CARM1: variants seen among roughly 807,000 people sequenced by gnomAD.
CARM1 encodes coactivator associated arginine methyltransferase 1.
CARM1 carries 14 observed loss-of-function variants against 72.7 expected under a neutral mutation model. That is an observed-to-expected ratio of 0.19 (90% confidence interval 0.13 to 0.30). The LOEUF is 0.30. CARM1 is among the 10% of genes least tolerant of loss of function. The pLI, the probability that CARM1 is intolerant of heterozygous loss-of-function variation, is 1.00. For synonymous variants in CARM1, 333 were observed against 345.5 expected (o/e 0.96, Z 0.40); for missense variants, 432 against 833.7 (o/e 0.52, Z 5.93).
intron 1 of CARM1, among the ~76,000 whole-genome samples, chr19:10,899,577 C>T (rs1268923969): frequency 6.6e-6 from 1 of 151,980 alleles, no homozygotes; most frequent in Non-Finnish European, 1.5e-5. Context: ...ATGCCCTGCC[C>T]TCAGGAGGGC....
At chr19:10,890,699 A>G (rs1289296922) in intron 1 of CARM1, among the ~76,000 whole-genome samples, 1 of 149,506 alleles carries the variant, frequency 6.7e-6, no homozygotes, top group Non-Finnish European at 1.5e-5. Flanking sequence ...ACACATATAT[A>G]CACACACATA....
At position 10,890,618 on chromosome 19, in the gene CARM1, CTTTGT is replaced by C. The variant is rs537075274; in HGVS notation, c.221-14329_221-14325del. Reference sequence around the variant, plus strand: ...TGGTACATACCTGTGGTCCCAGCTACTTTGTTTTATTTACATATATATATGTATAT... The same window carrying C: ...TGGTACATACCTGTGGTCCCAGCTACTTTATTTACATATATATATGTATAT... On this transcript the variant is annotated intron_variant, in intron 1 of 15. Transcript: ENST00000327064. 1.2e-3 allele frequency among the ~76,000 whole-genome samples: 184 copies of C among 150,142 alleles called. 2 individuals carry two copies. The highest frequency in any genetic ancestry group is 4.0e-3 in the African/African-American group (165 of 40,932).
At chr19:10,878,457 C>CCAA (rs2073879112) in intron 1 of CARM1, among the ~76,000 whole-genome samples, 4 of 152,102 alleles carry the variant, frequency 2.6e-5, no homozygotes, top group Non-Finnish European at 5.9e-5. Context: ...AATTGTGGCG[C>CCAA]TTACTGTATG....
At chr19:10,876,969 A>G (rs528496327) in intron 1 of CARM1, among the ~76,000 whole-genome samples, 1 of 152,350 alleles carries the variant, frequency 6.6e-6, no homozygotes, top group South Asian at 2.1e-4. Flanking sequence ...ACACAGCAGC[A>G]TGGGCTCCGT....
At chr19:10,908,216 C>G in intron 3 of CARM1, 71 bp downstream of exon 3, 1 of 996,954 alleles carries the variant, frequency 1.0e-6, no homozygotes, top group Non-Finnish European at 1.6e-6. Flanking sequence ...CGCAGGAGGC[C>G]ACACAGCACA....
In CARM1 at chr19:10,920,849, G is replaced by A. The variant is rs149437753; in HGVS notation, c.1440G>A (p.Thr480=). ...KNPFFRYTGT[T]PSPPPGSHYT... ...TCTGCCATAGATACACGGGCACAACGCCCTCACCCCCACCCGGCTCCCACT... is the reference window on the plus strand; with the variant it reads ...TCTGCCATAGATACACGGGCACAACACCCTCACCCCCACCCGGCTCCCACT... Residue 480 remains threonine, a synonymous_variant, in exon 13 of 16, where the codon ACG becomes ACA. Coordinates refer to ENST00000327064, the MANE Select transcript of CARM1 (RefSeq NM_199141.2). The surrounding 1 kb of genome is among the most constrained non-coding windows in gnomAD (Gnocchi z 5.3). The A allele has an allele frequency of 5.6e-6, 9 of 1,614,040 alleles. No homozygotes were observed. In the East Asian group the frequency reaches 8.9e-5, roughly 16 times the overall value.
At chr19:10,909,319 T>G in intron 4 of CARM1, 112 bp downstream of exon 4, 1 of 651,736 alleles carries the variant, frequency 1.5e-6, no homozygotes, top group Non-Finnish European at 2.7e-6. Flanking sequence ...TTATCTCAGT[T>G]ACTGCAGAGG....
At chr19:10,898,110 AAAAG>A (rs1335003348) in intron 1 of CARM1, among the ~76,000 whole-genome samples, 2 of 150,702 alleles carry the variant, frequency 1.3e-5, no homozygotes, top group Non-Finnish European at 3.0e-5. Flanking sequence ...CGTCTCAAAA[AAAAG>A]AAAAAAAAAA....
At chr19:10,913,851 G>A in intron 5 of CARM1, 26 bp from the exon 6 acceptor site, 1 of 1,602,148 alleles carries the variant, frequency 6.2e-7, no homozygotes, top group Non-Finnish European at 8.5e-7. Flanking sequence ...ACGCAGGGAA[G>A]CCCACATGGC....
In CARM1 at chr19:10,914,080, A is replaced by G. The variant is rs201277232; in HGVS notation, c.847+26A>G. The G allele has an allele frequency of 5.9e-4, 941 of 1,591,498 alleles. 9 individuals are homozygous for G. The highest frequency in any genetic ancestry group is 5.9e-3 in the Middle Eastern group (35 of 5,956). On this transcript the variant is annotated intron_variant, in intron 6 of 15. Coordinates refer to ENST00000327064, the MANE Select transcript of CARM1 (RefSeq NM_199141.2). ...GTGAGCACTGGGGGGTACACAGGCCAGGCCCCTCGGTGGAGGCCCTGGCTG... is the reference window on the plus strand; with the variant it reads ...GTGAGCACTGGGGGGTACACAGGCCGGGCCCCTCGGTGGAGGCCCTGGCTG...
intron 1 of CARM1, among the ~76,000 whole-genome samples, chr19:10,889,459 T>C (rs1262367285): frequency 1.3e-5 from 2 of 150,582 alleles, no homozygotes; most frequent in Non-Finnish European, 3.0e-5. Context: ...GGATTACAGG[T>C]GTTCACCACC....
chr19:10,920,115 G>C lies in CARM1; in HGVS notation c.1196+149G>C. The stretch of plus-strand genomic sequence containing the variant: ...GCCTGTCTCGGAGCAAGAGACTGTT[G>C]TGGGTGGGGTGTGTGTGTGTGTGTG... On this transcript the variant is annotated intron_variant, in intron 10 of 15. Coordinates refer to ENST00000327064, the MANE Select transcript of CARM1 (RefSeq NM_199141.2). The surrounding 1 kb of genome is among the most constrained non-coding windows in gnomAD (Gnocchi z 5.3). 2 of 632,516 alleles carry C rather than the reference G, an allele frequency of 3.2e-6. No homozygotes were observed. The highest frequency in any genetic ancestry group is 3.5e-5 in the South Asian group (2 of 57,276). The allele number at this position is 632,516 out of a possible 1,614,324, so 39.2% of individuals were successfully genotyped here.
At position 10,920,817 on chromosome 19, in the gene CARM1, C is replaced by G. The variant is rs919387724; in HGVS notation, c.1425-17C>G. 1.9e-6 allele frequency: 3 copies of G among 1,613,772 alleles called. No individual in the cohort carries two copies. The highest frequency in any genetic ancestry group is 2.5e-6 in the Non-Finnish European group (3 of 1,179,728). ...GCAACCCCCTTGCCCCTGCCCATGG[C>G]TCTGTCTCTGCCATAGATACACGGG... On this transcript the variant is annotated splice_polypyrimidine_tract_variant and intron_variant, in intron 12 of 15. Coordinates refer to ENST00000327064, the MANE Select transcript of CARM1 (RefSeq NM_199141.2). This position sits in a 1 kb window ranked among gnomAD's most constrained non-coding sequence, Gnocchi z 5.3.
intron 5 of CARM1, among the ~76,000 whole-genome samples, chr19:10,913,050 G>C (rs1050791547): frequency 6.6e-6 from 1 of 152,096 alleles, no homozygotes; most frequent in Admixed American, 6.6e-5. Context: ...GACGCAGGGT[G>C]GGGGACCTAG....
chr19:10,884,020 T>TC, intron 1 of CARM1, among the ~76,000 whole-genome samples: 1 of 146,096 alleles, frequency 6.8e-6, no homozygotes, highest in Non-Finnish European at 1.5e-5. Context: ...TCTGTTTTTT[T>TC]TTTTTTTTTT....
chr19:10,873,623 A>AGTTTTT (rs2073837487), intron 1 of CARM1, among the ~76,000 whole-genome samples: 6 of 52,260 alleles, frequency 1.1e-4, no homozygotes, highest in African/African-American at 1.5e-4. Context: ...ATTTTAGTTT[A>AGTTTTT]GTTTTTTTTT....
chr19:10,913,868 C>A lies in CARM1; in HGVS notation c.670-9C>A. 6.2e-7 allele frequency: 1 copy of A among 1,609,906 alleles called. No individual in the cohort carries two copies. The highest frequency in any genetic ancestry group is 8.5e-7 in the Non-Finnish European group (1 of 1,177,836). ...GCAGGGAAGCCCACATGGCCCTGCC[C>A]GCCTGCAGGTCTTGGTGAAGAGTAA... is the stretch of plus-strand genomic sequence containing the variant. On this transcript the variant is annotated splice_polypyrimidine_tract_variant and intron_variant, in intron 5 of 15. Transcript: ENST00000327064.
Position 10,919,863 on chromosome 19 carries a change from C to CCTTT in CARM1, c.1107-13_1107-10dup, listed in dbSNP as rs1222511390. The CCTTT allele has an allele frequency of 6.2e-7, 1 of 1,606,668 alleles. No homozygotes were observed. Among genetic ancestry groups the CCTTT allele is most frequent in the South Asian group, 1.1e-5 (1 of 90,938 alleles). ...GTCTGGCTTCCCCAGCAGCCACTGCCCTTTGCCTTCCAGGATAGAAATCCC... is the reference window on the plus strand; with the variant it reads ...GTCTGGCTTCCCCAGCAGCCACTGCCCTTTCTTTGCCTTCCAGGATAGAAATCCC... On this transcript the variant is annotated splice_polypyrimidine_tract_variant and intron_variant, in intron 9 of 15. Coordinates refer to ENST00000327064, the MANE Select transcript of CARM1 (RefSeq NM_199141.2).
intron 1 of CARM1, among the ~76,000 whole-genome samples, chr19:10,887,874 C>CA (rs1220931112): frequency 2.0e-5 from 3 of 152,224 alleles, no homozygotes; most frequent in Non-Finnish European, 4.4e-5. Flanking sequence ...GGAGCGCCCC[C>CA]CTGTACTCCC....
Sources: gnomAD v4.1 joint callset for allele counts (sites outside exome capture counted in the v4.1 genomes callset) on GRCh38, gnomAD v4.1.1 for gene constraint, Gnocchi (gnomAD v3.1) non-coding constraint, MANE v1.5 for transcripts, NCBI Gene and HGNC (gene_info 2026-07-23, HGNC 2026-07-21) for gene names.